The following INSC variants were observed in gnomAD, a reference collection of about 807,000 sequenced individuals.
INSC encodes protein inscuteable homolog.
INSC carries 67 observed loss-of-function variants against 58.6 expected under a neutral mutation model. The ratio of observed to expected loss-of-function variants is 1.14; its 90% confidence interval spans 0.94 to 1.40. The LOEUF is 1.40. Among genes scored for constraint, INSC ranks in the 40% most tolerant of loss-of-function variants. The pLI is 0.00. For synonymous variants in INSC, 262 were observed against 276.1 expected (o/e 0.95, Z 0.51); for missense variants, 714 against 692.0 (o/e 1.03, Z -0.36).
chr11:15,235,745 G>A (rs1852098803), intron 10 of INSC, 77 bp downstream of exon 10: 1 of 1,208,350 alleles, frequency 8.3e-7, no homozygotes, highest in South Asian at 1.2e-5. Flanking sequence ...TTGTGTGAAT[G>A]CCTGTGCAGG....
chr11:15,234,454 A>T (rs545875360), intron 9 of INSC, among the ~76,000 whole-genome samples: 2 of 152,344 alleles, frequency 1.3e-5, no homozygotes, highest in Admixed American at 1.3e-4. Flanking sequence ...AATGTAGATA[A>T]TACTCTTTCT....
chr11:15,229,964 ATATAT>A (rs1851805018), intron 9 of INSC, among the ~76,000 whole-genome samples: 2 of 15,698 alleles, frequency 1.3e-4, no homozygotes, highest in African/African-American at 2.6e-4. Flanking sequence ...ATATATTTAT[ATATAT>A]ATATATATAT....
At chr11:15,255,222 C>G in the INSC span, among the ~76,000 whole-genome samples, 1 of 152,012 alleles carries the variant, frequency 6.6e-6, no homozygotes, top group African/African-American at 2.4e-5. Context: ...TCTTAAAATA[C>G]TTCGGCAAAT....
At chr11:15,196,558 G>T (rs559013990) in intron 6 of INSC, among the ~76,000 whole-genome samples, 16 of 152,188 alleles carry the variant, frequency 1.1e-4, no homozygotes, top group African/African-American at 3.4e-4. Context: ...TAATCAGCTT[G>T]CTTGCTCTGG....
At chr11:15,221,733 C>A in intron 8 of INSC, 85 bp downstream of exon 8, 1 of 1,293,060 alleles carries the variant, frequency 7.7e-7, no homozygotes, top group Non-Finnish European at 1.1e-6. Context: ...GCCTTCCCAT[C>A]TGCCACTCAT....
chr11:15,240,568 T>C (rs1349008543), intron 12 of INSC, 45 bp downstream of exon 12: 1 of 1,539,378 alleles, frequency 6.5e-7, no homozygotes, highest in South Asian at 1.2e-5. Flanking sequence ...GCCTTCGGAA[T>C]GCAGCCAAGG....
intron 1 of INSC, among the ~76,000 whole-genome samples, chr11:15,122,659 C>T (rs533765582): frequency 1.9e-4 from 29 of 152,266 alleles, no homozygotes; most frequent in Admixed American, 1.0e-3. Context: ...ATATCCAATC[C>T]GTCCCCATAT....
chr11:15,227,099 G>A (rs1251504661), intron 9 of INSC, among the ~76,000 whole-genome samples: 4 of 152,204 alleles, frequency 2.6e-5, no homozygotes, highest in African/African-American at 4.8e-5. Context: ...AGAATATTTT[G>A]GCTCAAGAGG....
chr11:15,113,143 T>TTCTTTC, upstream of INSC, among the ~76,000 whole-genome samples: 2 of 98,640 alleles, frequency 2.0e-5, no homozygotes, highest in African/African-American at 7.1e-5. Context: ...CTTTCTTTCT[T>TTCTTTC]TCTGTCTCTC....
chr11:15,146,018 G>T (rs536724255), intron 1 of INSC, among the ~76,000 whole-genome samples: 1 of 152,316 alleles, frequency 6.6e-6, no homozygotes, highest in Admixed American at 6.5e-5. Flanking sequence ...ACTAACCAGT[G>T]CTTCCCACTG....
At chr11:15,150,369 C>T (rs1161546387) in intron 2 of INSC, among the ~76,000 whole-genome samples, 1 of 152,226 alleles carries the variant, frequency 6.6e-6, no homozygotes, top group Non-Finnish European at 1.5e-5. Flanking sequence ...CAAGGCCTCT[C>T]TTGTGGGGAA....
chr11:15,162,506 C>T (rs1395471665), intron 2 of INSC, among the ~76,000 whole-genome samples: 2 of 152,196 alleles, frequency 1.3e-5, no homozygotes, highest in East Asian at 1.9e-4. Flanking sequence ...GATTGTGGTA[C>T]CCCTTATTCT....
intron 12 of INSC, among the ~76,000 whole-genome samples, chr11:15,244,543 C>A (rs899188944): frequency 2.0e-5 from 3 of 152,134 alleles, no homozygotes; most frequent in African/African-American, 7.2e-5. Flanking sequence ...CTCAATATAA[C>A]CTTGTATCCT....
intron 10 of INSC, among the ~76,000 whole-genome samples, chr11:15,236,633 C>T (rs1852142258): frequency 6.6e-6 from 1 of 152,136 alleles, no homozygotes; most frequent in Non-Finnish European, 1.5e-5. Context: ...TGCCAAAGGA[C>T]AAGGTGGTGG....
chr11:15,112,654 G>T (rs1276935622), upstream of INSC: 1 of 313,144 alleles, frequency 3.2e-6, no homozygotes, highest in Non-Finnish European at 5.6e-6. Flanking sequence ...AAGTGGGGGG[G>T]GGGCATTTAT....
chr11:15,231,817 T>A (rs1373188860), intron 9 of INSC, among the ~76,000 whole-genome samples: 2 of 152,222 alleles, frequency 1.3e-5, no homozygotes, highest in East Asian at 3.9e-4. Context: ...TTGCCTTGAA[T>A]GCAGTTTGGT....
At chr11:15,230,254 G>C (rs924483634) in intron 9 of INSC, among the ~76,000 whole-genome samples, 1 of 151,238 alleles carries the variant, frequency 6.6e-6, no homozygotes, top group Non-Finnish European at 1.5e-5. Context: ...GGTTTAATTG[G>C]CTCATGGTTC....
intron 2 of INSC, among the ~76,000 whole-genome samples, chr11:15,154,360 C>T (rs571054833): frequency 6.6e-6 from 1 of 152,292 alleles, no homozygotes; most frequent in South Asian, 2.1e-4. Context: ...CTCCAGCAAG[C>T]TATTCTCATT....
chr11:15,217,823 C>A (rs1369483844), intron 7 of INSC, among the ~76,000 whole-genome samples: 2 of 152,020 alleles, frequency 1.3e-5, no homozygotes, highest in African/African-American at 4.8e-5. Context: ...TGGAGACATG[C>A]AGGTTAAAAT....
Sources: gnomAD v4.1 joint callset for allele counts (sites outside exome capture counted in the v4.1 genomes callset) on GRCh38, gnomAD v4.1.1 for gene constraint, MANE v1.5 for transcripts, NCBI Gene and HGNC (gene_info 2026-07-23, HGNC 2026-07-21) for gene names.